The following CYB5RL variants were observed in gnomAD, a reference collection of about 807,000 sequenced individuals.
CYB5RL encodes the protein cytochrome b5 reductase like.
In CYB5RL, 38 loss-of-function variants were observed where a neutral mutation model predicts 37.5. The observed-to-expected ratio is 1.01, with a 90% CI of 0.78 to 1.33. CYB5RL has a LOEUF of 1.33. Among genes scored for constraint, CYB5RL ranks in the 40% most tolerant of loss-of-function variants. The probability of loss-of-function intolerance (pLI) is 0.00; values close to 1 mark genes in which losing one functional copy is unlikely to be tolerated. For synonymous variants in CYB5RL, 141 were observed against 151.9 expected, an observed-to-expected ratio of 0.93 and a Z score of 0.53; for missense variants, 388 against 394.4, an observed-to-expected ratio of 0.98 and a Z score of 0.14.
chr1:54,195,358 G>C, intron 3 of CYB5RL, 61 bp downstream of exon 3: 1 of 1,470,020 alleles, frequency 6.8e-7, no homozygotes, highest in East Asian at 2.4e-5. Context: ...GGTGTGCTTT[G>C]CAGGGCCAAG....
chr1:54,186,438 C>T (rs1643898862), intron 5 of CYB5RL, among the ~76,000 whole-genome samples: 2 of 152,172 alleles, frequency 1.3e-5, no homozygotes, highest in South Asian at 2.1e-4. Context: ...GAGGGTCAAA[C>T]GATAAGCCCT....
At position 54,174,497 on chromosome 1, in the gene CYB5RL, G is replaced by T; in HGVS notation, c.*122C>A. ...CTGAGCAGTAAAGACACTTGCCCAA[G>T]GTCACCTGGCAAATGAGCAGCAGGA... On this transcript the variant is annotated 3_prime_UTR_variant, in exon 8 of 8. Coordinates refer to ENST00000534324, the MANE Select transcript of CYB5RL (RefSeq NM_001031672.4). The T allele has an allele frequency of 8.4e-7, 1 of 1,190,258 alleles. No homozygotes were observed. The highest frequency in any genetic ancestry group is 1.2e-6 in the Non-Finnish European group (1 of 832,226). The allele number at this position is 1,190,258 out of a possible 1,614,324, so 73.7% of individuals were successfully genotyped here. A position where few individuals can be genotyped will look rare whatever the true frequency, so the allele number is the denominator to read the frequency against.
intron 7 of CYB5RL, 121 bp downstream of exon 7, chr1:54,179,028 C>G: frequency 8.6e-7 from 1 of 1,162,456 alleles, no homozygotes. Context: ...GGTGCTCCAC[C>G]AGTGGCAGGG....
At chr1:54,184,133 C>T (rs1232470090) in intron 6 of CYB5RL, 28 bp downstream of exon 6, 3 of 1,594,794 alleles carry the variant, frequency 1.9e-6, no homozygotes, top group Middle Eastern at 1.7e-4. Context: ...ACAGGGATCT[C>T]CTGAAGATTT....
chr1:54,193,254 G>A (rs1402874436), intron 3 of CYB5RL, among the ~76,000 whole-genome samples: 2 of 152,224 alleles, frequency 1.3e-5, no homozygotes, highest in African/African-American at 4.8e-5. Context: ...AGGTGCTGAG[G>A]ATAGAACAGT....
At position 54,195,651 on chromosome 1, in the gene CYB5RL, G is replaced by C. The variant is rs6676136; in HGVS notation, c.-35C>G. ...TTGGGCAGCCTAGAAGGAACAACTG[G>C]GTGCTCTTCCAGAACAGGCCAGGCT... On this transcript the variant is annotated 5_prime_UTR_variant, in exon 3 of 8. Transcript: ENST00000534324. The C allele has an allele frequency of 2.9e-3, 4,567 of 1,570,400 alleles. 95 individuals carry two copies. The African/African-American group carries it at 0.051, about 18-fold the overall frequency.
rs149000440 is a variant in CYB5RL at position 54,186,608 on chromosome 1, C to T, written c.435+1044G>A. Among the ~76,000 whole-genome samples the T allele has an allele frequency of 4.6e-5, 7 of 152,326 alleles. No individual in the cohort carries two copies. In the East Asian group the frequency reaches 1.3e-3, roughly 29 times the overall value. ...GCTGCCCTGAAGAACTGTCTCCAGG[C>T]TTATCCTTTCCACAGAAACACACCC... On this transcript the variant is annotated intron_variant, in intron 5 of 7. Transcript: ENST00000534324.
chr1:54,175,874 T>C (rs1660008646), intron 7 of CYB5RL, among the ~76,000 whole-genome samples: 1 of 152,288 alleles, frequency 6.6e-6, no homozygotes, highest in South Asian at 2.1e-4. Context: ...TCCTCAGATT[T>C]TGCTATCTGC....
chr1:54,189,912 C>T (rs982332083), intron 4 of CYB5RL, among the ~76,000 whole-genome samples: 9 of 152,244 alleles, frequency 5.9e-5, no homozygotes, highest in African/African-American at 1.9e-4. Context: ...CCTTTGCTGG[C>T]TCCTCCTCCT....
chr1:54,180,311 T>A, intron 6 of CYB5RL: 1 of 376,186 alleles, frequency 2.7e-6, no homozygotes, highest in Middle Eastern at 9.8e-4. Context: ...TGAATCTATT[T>A]CCAGGCTCTA....
chr1:54,181,445 G>A (rs988307630), intron 6 of CYB5RL, among the ~76,000 whole-genome samples: 8 of 152,248 alleles, frequency 5.3e-5, no homozygotes, highest in African/African-American at 1.9e-4. Flanking sequence ...TGCACAGACA[G>A]ATGCTAATAT....
In CYB5RL at chr1:54,170,051, C is replaced by G. The variant is rs1294400604; in HGVS notation, c.*4568G>C. ...ATGCGGATGGAGTTCACTTTAATTG[C>G]TGTATCTACAGGCAGTTTTTAATTC... On this transcript the variant is annotated 3_prime_UTR_variant, in exon 8 of 8. Coordinates refer to ENST00000534324, the MANE Select transcript of CYB5RL (RefSeq NM_001031672.4). The G allele has an allele frequency of 6.6e-6, 1 of 152,216 alleles. No homozygotes were observed. The highest frequency in any genetic ancestry group is 1.9e-4 in the East Asian group (1 of 5,198). The allele number at this position is 152,216 out of a possible 1,614,324, so 9.4% of individuals were successfully genotyped here.
chr1:54,192,181 ATTTTT>A (rs11302690), intron 3 of CYB5RL, among the ~76,000 whole-genome samples: 3 of 110,908 alleles, frequency 2.7e-5, no homozygotes, highest in Non-Finnish European at 3.8e-5. Context: ...CTGTTTGCAA[ATTTTT>A]TTTTTTTTTT....
Position 54,187,701 on chromosome 1 carries a change from G to T in CYB5RL, c.386C>A (p.Thr129Lys), listed in dbSNP as rs371181170. The T allele has an allele frequency of 6.2e-7, 1 of 1,613,972 alleles. No individual in the cohort carries two copies. The highest frequency in any genetic ancestry group is 1.7e-5 in the Admixed American group (1 of 60,020). ...VDDLEIQRAY[T>K]PISPANAEGY... ...TTCTGCGTTGGCAGGGCTGATGGGC[G>T]TATAGGCTCTCTGAATTTCTAAGTC... The change falls in exon 5 of 8, where the codon ACG (threonine) becomes AAG (lysine). Residue 129 changes from threonine to lysine, a missense_variant. By Grantham distance (78) the Thr-to-Lys change is moderately conservative. Coordinates refer to ENST00000534324, the MANE Select transcript of CYB5RL (RefSeq NM_001031672.4).
intron 1 of CYB5RL, among the ~76,000 whole-genome samples, chr1:54,199,114 C>T (rs555215375): frequency 6.6e-6 from 1 of 152,320 alleles, no homozygotes; most frequent in Non-Finnish European, 1.5e-5. Flanking sequence ...GGCTGGATGA[C>T]TTTTCCCACC....
At chr1:54,197,887 G>A (rs1345886679) in intron 1 of CYB5RL, among the ~76,000 whole-genome samples, 2 of 151,788 alleles carry the variant, frequency 1.3e-5, no homozygotes, top group Non-Finnish European at 2.9e-5. Context: ...AATTAGCCGG[G>A]CATGGTGGTG....
chr1:54,178,411 C>T (rs929917266), intron 7 of CYB5RL, among the ~76,000 whole-genome samples: 12 of 152,164 alleles, frequency 7.9e-5, no homozygotes, highest in Non-Finnish European at 1.6e-4. Flanking sequence ...AGCTACCAAC[C>T]AGGGAAAGGC....
intron 6 of CYB5RL, among the ~76,000 whole-genome samples, chr1:54,180,416 A>G (rs1273107053): frequency 6.6e-6 from 1 of 151,780 alleles, no homozygotes; most frequent in Non-Finnish European, 1.5e-5. Context: ...CATCCTGGCT[A>G]ACACGGTGAA....
intron 5 of CYB5RL, among the ~76,000 whole-genome samples, chr1:54,186,973 G>C (rs1489748360): frequency 6.6e-6 from 1 of 152,108 alleles, no homozygotes; most frequent in Non-Finnish European, 1.5e-5. Flanking sequence ...GATTCCATTT[G>C]GGAAATGATG....
Sources: allele counts gnomAD v4.1 joint callset (sites outside exome capture counted in the v4.1 genomes callset), GRCh38; gene constraint gnomAD v4.1.1; transcripts MANE v1.5; gene names NCBI Gene and HGNC (gene_info 2026-07-23, HGNC 2026-07-21).